RGL1: variants seen among roughly 807,000 people sequenced by gnomAD.
RGL1 encodes ral guanine nucleotide dissociation stimulator like 1.
A neutral mutation model predicts 95.2 loss-of-function variants in RGL1; 24 were observed. The ratio of observed to expected loss-of-function variants is 0.25; its 90% CI spans 0.18 to 0.35. RGL1 has a LOEUF of 0.35. Among genes scored for constraint, RGL1 ranks in the 10% least tolerant of loss-of-function variants. The pLI, the probability that RGL1 is intolerant of heterozygous loss-of-function variation, is 1.00. For missense variants in RGL1, 715 were observed against 936.3 expected, an observed-to-expected ratio of 0.76 and a Z score of 3.08; for synonymous variants, 329 against 344.9, an observed-to-expected ratio of 0.95 and a Z score of 0.51.
At chr1:183,855,926 C>A (rs1665112786) in intron 3 of RGL1, among the ~76,000 whole-genome samples, 1 of 152,062 alleles carries the variant, frequency 6.6e-6, no homozygotes, top group African/African-American at 2.4e-5. Flanking sequence ...ATTTTAGTAA[C>A]CTCCTACAGG....
intron 1 of RGL1, among the ~76,000 whole-genome samples, chr1:183,718,669 C>T (rs1655790835): frequency 1.3e-5 from 2 of 152,058 alleles, no homozygotes; most frequent in African/African-American, 2.4e-5. Context: ...GTAATCCCAG[C>T]ACTTTGGGAG....
chr1:183,861,395 C>G (rs1665502708), intron 3 of RGL1, among the ~76,000 whole-genome samples: 1 of 152,184 alleles, frequency 6.6e-6, no homozygotes, highest in South Asian at 2.1e-4. Flanking sequence ...TGGTCTTCCC[C>G]TTCAAACACA....
chr1:183,662,728 A>C (rs915057929), intron 1 of RGL1, among the ~76,000 whole-genome samples: 1 of 152,144 alleles, frequency 6.6e-6, no homozygotes, highest in Non-Finnish European at 1.5e-5. Flanking sequence ...GTTCATATGG[A>C]ACCAAAAAAG....
intron 5 of RGL1, among the ~76,000 whole-genome samples, chr1:183,882,862 C>T (rs2102644163): frequency 6.6e-6 from 1 of 152,276 alleles, no homozygotes; most frequent in Middle Eastern, 3.4e-3. Flanking sequence ...AAAATATAAG[C>T]ATTCTGGGGG....
chr1:183,809,935 TGA>T (rs1339176626), intron 2 of RGL1, among the ~76,000 whole-genome samples: 1 of 152,090 alleles, frequency 6.6e-6, no homozygotes. Context: ...CTAGCCTGAG[TGA>T]GAGAGTGAGA....
chr1:183,869,602 CCTTT>C (rs1487297071), intron 4 of RGL1, among the ~76,000 whole-genome samples: 1 of 152,128 alleles, frequency 6.6e-6, no homozygotes, highest in African/African-American at 2.4e-5. Context: ...CTTCCATTTC[CCTTT>C]CTTCTGTCTT....
At chr1:183,716,316 A>T (rs989411782) in intron 1 of RGL1, among the ~76,000 whole-genome samples, 2 of 152,248 alleles carry the variant, frequency 1.3e-5, no homozygotes, top group Non-Finnish European at 2.9e-5. Flanking sequence ...GCTAACTGTT[A>T]TAACAAATAG....
At chr1:183,858,019 G>GT (rs966186848) in intron 3 of RGL1, among the ~76,000 whole-genome samples, 2 of 151,814 alleles carry the variant, frequency 1.3e-5, no homozygotes, top group Admixed American at 6.6e-5. Context: ...GAAGTAGCTT[G>GT]TTTTTTTTAT....
At chr1:183,777,982 CTT>C (rs1417282601) in intron 2 of RGL1, among the ~76,000 whole-genome samples, 6 of 152,146 alleles carry the variant, frequency 3.9e-5, no homozygotes, top group Non-Finnish European at 2.9e-5. Flanking sequence ...GATAGATTAT[CTT>C]TACAGTTTGT....
chr1:183,900,270 C>T lies in RGL1; in HGVS notation c.1317+34C>T, dbSNP rs201218100. 1.4e-3 allele frequency: 2,171 copies of T among 1,539,184 alleles called. 2 individuals carry two copies. The highest frequency in any genetic ancestry group is 1.8e-3 in the Non-Finnish European group (2,018 of 1,112,068). On this transcript the variant is annotated intron_variant, in intron 11 of 17. Coordinates refer to ENST00000360851, the MANE Select transcript of RGL1 (RefSeq NM_001297671.3). Reference sequence around the variant, plus strand: ...CATGTGGGTGGTGTGATCGGGCCTGCAGCCTTCCCACTGGATACCCTAAAG... The same window carrying T: ...CATGTGGGTGGTGTGATCGGGCCTGTAGCCTTCCCACTGGATACCCTAAAG...
intron 1 of RGL1, among the ~76,000 whole-genome samples, chr1:183,678,342 T>C (rs1652972990): frequency 6.6e-6 from 1 of 152,196 alleles, no homozygotes; most frequent in Non-Finnish European, 1.5e-5. Flanking sequence ...CCATAATCAG[T>C]GAGTTTTTTA....
intron 2 of RGL1, among the ~76,000 whole-genome samples, chr1:183,821,695 A>C (rs1662501647): frequency 6.6e-6 from 1 of 152,190 alleles, no homozygotes; most frequent in Non-Finnish European, 1.5e-5. Context: ...GGAGACTTCC[A>C]GAGTGAAGGG....
intron 4 of RGL1, among the ~76,000 whole-genome samples, chr1:183,877,324 G>A (rs564381446): frequency 6.6e-6 from 1 of 152,356 alleles, no homozygotes; most frequent in South Asian, 2.1e-4. Context: ...TCTTAGGACT[G>A]GAGCCAGGCT....
intron 2 of RGL1, among the ~76,000 whole-genome samples, chr1:183,794,384 T>C (rs1461751743): frequency 2.6e-5 from 4 of 152,192 alleles, no homozygotes; most frequent in African/African-American, 7.2e-5. Context: ...AAGGTGACTA[T>C]AGTTAACAGT....
chr1:183,784,193 G>T (rs1190090456), intron 2 of RGL1, among the ~76,000 whole-genome samples: 3 of 152,216 alleles, frequency 2.0e-5, no homozygotes, highest in Admixed American at 2.0e-4. Context: ...CAAGGCATTA[G>T]AAGAGATGTG....
intron 1 of RGL1, among the ~76,000 whole-genome samples, chr1:183,665,521 A>G (rs939221466): frequency 1.1e-4 from 16 of 152,144 alleles, no homozygotes; most frequent in Admixed American, 3.3e-4. Flanking sequence ...CTGGTGCTAT[A>G]TGTTTTGGAA....
At chr1:183,742,600 C>G (rs1174087089) in intron 2 of RGL1, among the ~76,000 whole-genome samples, 1 of 152,150 alleles carries the variant, frequency 6.6e-6, no homozygotes, top group Non-Finnish European at 1.5e-5. Flanking sequence ...ATCCCGCTAG[C>G]TACATTCTTT....
Position 183,926,387 on chromosome 1 carries a change from A to G in RGL1, c.*95A>G, listed in dbSNP as rs901327577. ...AATTACCATCCGGTGTTCGAGGATC[A>G]TTGGTGAAGTCAGCAGATATTTATT... is the stretch of plus-strand genomic sequence containing the variant. On this transcript the variant is annotated 3_prime_UTR_variant, in exon 18 of 18. Coordinates refer to ENST00000360851, the MANE Select transcript of RGL1 (RefSeq NM_001297671.3). 4 of 1,033,520 alleles carry G rather than the reference A, an allele frequency of 3.9e-6. No individual in the cohort carries two copies. Among genetic ancestry groups the G allele is most frequent in the Non-Finnish European group, 5.6e-6 (4 of 716,536 alleles). The allele number at this position is 1,033,520 out of a possible 1,614,324, so 64.0% of individuals were successfully genotyped here. A position where few individuals can be genotyped will look rare whatever the true frequency, so the allele number is the denominator to read the frequency against.
At chr1:183,840,467 C>T (rs1226234344) in intron 2 of RGL1, among the ~76,000 whole-genome samples, 2 of 152,110 alleles carry the variant, frequency 1.3e-5, no homozygotes, top group African/African-American at 2.4e-5. Context: ...CTCAGCATGT[C>T]AAAGTTCCAT....
Sources: gnomAD v4.1 joint callset for allele counts (sites outside exome capture counted in the v4.1 genomes callset) on GRCh38, gnomAD v4.1.1 for gene constraint, MANE v1.5 for transcripts, NCBI Gene and HGNC (gene_info 2026-07-23, HGNC 2026-07-21) for gene names.